MXI1: variants seen among roughly 807,000 people sequenced by gnomAD.
MXI1 encodes MAX interactor 1, dimerization protein, also known as max-interacting protein 1.
Under a neutral mutation model 36.9 loss-of-function variants are expected in MXI1, and 18 were observed. The observed-to-expected ratio is 0.49, with a 90% CI of 0.34 to 0.72. MXI1 has a LOEUF of 0.72. Ranked by LOEUF, MXI1 falls within the 30% of genes least tolerant of loss-of-function variation. MXI1 has a pLI of 0.01. For synonymous variants in MXI1, 160 were observed against 146.7 expected (o/e 1.09, Z -0.65); for missense variants, 304 against 379.1 (o/e 0.80, Z 1.64).
chr10:110,224,407 T>G (rs989928370), intron 1 of MXI1, among the ~76,000 whole-genome samples: 10 of 152,206 alleles, frequency 6.6e-5, no homozygotes, highest in Non-Finnish European at 1.5e-4. Flanking sequence ...GAGGCATTTT[T>G]GGTTGTCACA....
rs1369371827 is a variant in MXI1 at position 110,279,222 on chromosome 10, G to T, written c.480G>T (p.Leu160=). The change falls in exon 4 of 6, where the codon CTG becomes CTT. Residue 160 remains leucine (L), a synonymous_variant. Transcript: ENST00000332674. ...LRLCLERLKV[L]IPLGPDCTRH... ...TTTGTTTAGAACGCTTAAAAGTTCT[G>T]ATTCCACTAGGACCAGACTGCACCC... 1 of 1,614,050 alleles carries T rather than the reference G, an allele frequency of 6.2e-7. No homozygotes were observed. Among genetic ancestry groups the T allele is most frequent in the Non-Finnish European group, 8.5e-7 (1 of 1,180,032 alleles).
At chr10:110,268,726 A>G (rs1401043238) in intron 3 of MXI1, among the ~76,000 whole-genome samples, 3 of 152,090 alleles carry the variant, frequency 2.0e-5, no homozygotes, top group Non-Finnish European at 2.9e-5. Context: ...GTTACTCTCA[A>G]AAACTACTCT....
At chr10:110,274,534 T>A (rs897932358) in intron 3 of MXI1, among the ~76,000 whole-genome samples, 2 of 152,204 alleles carry the variant, frequency 1.3e-5, no homozygotes, top group Non-Finnish European at 1.5e-5. Flanking sequence ...GCTTTACAGT[T>A]TTTATTAGCT....
intron 1 of MXI1, among the ~76,000 whole-genome samples, chr10:110,225,735 A>G (rs772285660): frequency 6.6e-6 from 1 of 152,130 alleles, no homozygotes; most frequent in Admixed American, 6.5e-5. Context: ...GAGGAAAAAA[A>G]AATTCTTCCC....
chr10:110,284,467 G>T (rs1590417746), intron 5 of MXI1, among the ~76,000 whole-genome samples: 2 of 152,288 alleles, frequency 1.3e-5, no homozygotes, highest in East Asian at 3.9e-4. Flanking sequence ...ACAGAACTGA[G>T]AATTAGTTTG....
At chr10:110,280,623 T>C (rs1857208687) in intron 5 of MXI1, among the ~76,000 whole-genome samples, 1 of 149,542 alleles carries the variant, frequency 6.7e-6, no homozygotes. Context: ...GAGCTTGCAG[T>C]GAGCCGAGAT....
chr10:110,269,558 G>T (rs1856792493), intron 3 of MXI1, among the ~76,000 whole-genome samples: 1 of 152,172 alleles, frequency 6.6e-6, no homozygotes, highest in African/African-American at 2.4e-5. Flanking sequence ...CTGGGCTCTG[G>T]GTGGGAATAG....
At chr10:110,254,247 G>A (rs532353929) in intron 3 of MXI1, among the ~76,000 whole-genome samples, 7 of 151,934 alleles carry the variant, frequency 4.6e-5, no homozygotes, top group South Asian at 2.1e-4. Flanking sequence ...AATTTCATAC[G>A]TTACGATGAT....
intron 3 of MXI1, among the ~76,000 whole-genome samples, chr10:110,248,275 A>C (rs956700122): frequency 6.6e-6 from 1 of 152,128 alleles, no homozygotes; most frequent in Non-Finnish European, 1.5e-5. Context: ...CAGCACACCA[A>C]CATGGCACAT....
At chr10:110,253,639 A>G (rs1856180417) in intron 3 of MXI1, among the ~76,000 whole-genome samples, 2 of 152,096 alleles carry the variant, frequency 1.3e-5, no homozygotes, top group Admixed American at 1.3e-4. Context: ...TGCTTGCATT[A>G]AAGTCAGGTT....
intron 3 of MXI1, among the ~76,000 whole-genome samples, chr10:110,247,888 A>T (rs1447752761): frequency 6.6e-6 from 1 of 152,214 alleles, no homozygotes; most frequent in Non-Finnish European, 1.5e-5. Context: ...ATAAAGACAC[A>T]TGCACACGTA....
At position 110,207,605 on chromosome 10, in the gene MXI1, A is replaced by G. The variant is rs751239896; in HGVS notation, c.-204A>G. 3.4e-5 allele frequency: 6 copies of G among 176,214 alleles called. No individual in the cohort carries two copies. The highest frequency in any genetic ancestry group is 7.0e-5 in the Non-Finnish European group (6 of 85,632). The allele number at this position is 176,214 out of a possible 1,614,324, so 10.9% of individuals were successfully genotyped here. A position where few individuals can be genotyped will look rare whatever the true frequency, so the allele number is the denominator to read the frequency against. The stretch of plus-strand genomic sequence containing the variant: ...GTCCTGTAGGTTCATTCAATCTCCC[A>G]TACACACAGACTCACAGCGAGACCG... On this transcript the variant is annotated 5_prime_UTR_variant, in exon 1 of 6. Transcript: ENST00000332674.
intron 1 of MXI1, chr10:110,225,902 G>A: frequency 1.6e-6 from 1 of 625,256 alleles, no homozygotes; most frequent in Non-Finnish European, 2.0e-6. Context: ...GCGGGCGGGT[G>A]CGGGACTACA....
rs1047795270 is a variant in MXI1 at position 110,283,674 on chromosome 10, A to G, written c.725-1150A>G. On this transcript the variant is annotated intron_variant, in intron 5 of 5. Transcript: ENST00000332674. Reference sequence around the variant, plus strand: ...ACTGAAAAATCCTGGGTTTCACTCTAGCTCTGATGGGAGAAAACAACTTTT... The same window carrying G: ...ACTGAAAAATCCTGGGTTTCACTCTGGCTCTGATGGGAGAAAACAACTTTT... Among the ~76,000 whole-genome samples the G allele has an allele frequency of 3.9e-5, 6 of 152,046 alleles. No individual in the cohort carries two copies. In the South Asian group the frequency reaches 1.0e-3, roughly 26 times the overall value.
At chr10:110,214,826 G>A (rs1451923506) in intron 1 of MXI1, among the ~76,000 whole-genome samples, 1 of 146,212 alleles carries the variant, frequency 6.8e-6, no homozygotes, top group Non-Finnish European at 1.5e-5. Context: ...GATGAATTGT[G>A]GTTTTGTGGC....
chr10:110,284,798 C>G (rs957546179), intron 5 of MXI1, 26 bp from the exon 6 acceptor site: 11 of 1,572,248 alleles, frequency 7.0e-6, no homozygotes, highest in African/African-American at 5.6e-5. Flanking sequence ...AATTAATGTT[C>G]TTCTTTTTTT....
At chr10:110,242,683 C>T (rs1590361979) in intron 2 of MXI1, among the ~76,000 whole-genome samples, 1 of 151,946 alleles carries the variant, frequency 6.6e-6, no homozygotes, top group Non-Finnish European at 1.5e-5. Context: ...ATTTTGTTCA[C>T]AGCAGTGGGT....
chr10:110,227,863 C>T, intron 1 of MXI1: 1 of 290,726 alleles, frequency 3.4e-6, no homozygotes. Context: ...TTGAGGCAAG[C>T]GAAGTCAATG....
intron 2 of MXI1, among the ~76,000 whole-genome samples, chr10:110,242,074 G>A (rs1190714694): frequency 2.0e-5 from 3 of 151,778 alleles, no homozygotes; most frequent in African/African-American, 7.3e-5. Context: ...TTCACAACTC[G>A]ACTTGTTTGC....
Sources: allele counts gnomAD v4.1 joint callset (sites outside exome capture counted in the v4.1 genomes callset), GRCh38; gene constraint gnomAD v4.1.1; transcripts MANE v1.5; gene names NCBI Gene and HGNC (gene_info 2026-07-23, HGNC 2026-07-21).